TFAP2B: variants seen among roughly 807,000 people sequenced by gnomAD.
TFAP2B encodes the protein transcription factor AP-2 beta.
A neutral mutation model predicts 44.3 loss-of-function variants in TFAP2B; 9 were observed. The observed-to-expected ratio is 0.20, with a 90% confidence interval of 0.12 to 0.35. TFAP2B has a LOEUF of 0.35. Among genes scored for constraint, TFAP2B ranks in the 10% least tolerant of loss-of-function variants. The probability of loss-of-function intolerance (pLI) is 1.00; values close to 1 mark genes in which losing one functional copy is unlikely to be tolerated. For synonymous variants in TFAP2B, 270 were observed against 263.8 expected (o/e 1.02, Z -0.23); for missense variants, 509 against 600.0 (o/e 0.85, Z 1.59).
At chr6:50,828,792 C>A in intron 3 of TFAP2B, 113 bp downstream of exon 3, 1 of 1,271,840 alleles carries the variant, frequency 7.9e-7, no homozygotes. Context: ...AATGTTTGTT[C>A]ACAATTATAG....
At chr6:50,830,953 C>A (rs1359126619) in intron 3 of TFAP2B, among the ~76,000 whole-genome samples, 1 of 151,956 alleles carries the variant, frequency 6.6e-6, no homozygotes, top group Non-Finnish European at 1.5e-5. Context: ...GGCTTTTAGG[C>A]AGATAAAAAA....
intron 2 of TFAP2B, among the ~76,000 whole-genome samples, chr6:50,826,576 C>CGG (rs1207367290): frequency 1.4e-5 from 2 of 143,760 alleles, no homozygotes; most frequent in African/African-American, 5.3e-5. Flanking sequence ...AGCGCGCGCG[C>CGG]GCGCGCGCGC....
In TFAP2B at chr6:50,843,561, T is replaced by G. The variant is rs932862992; in HGVS notation, c.*169T>G. Reference sequence around the variant, plus strand: ...AAAGCTAAATAACTTAAAAAAAAACTGAGGCGTACAACGGAGCAACAATAT... The same window carrying G: ...AAAGCTAAATAACTTAAAAAAAAACGGAGGCGTACAACGGAGCAACAATAT... On this transcript the variant is annotated 3_prime_UTR_variant, in exon 7 of 7. Coordinates refer to ENST00000393655, the MANE Select transcript of TFAP2B (RefSeq NM_003221.4). 4.1e-6 allele frequency: 3 copies of G among 740,730 alleles called. No individual in the cohort carries two copies. In the African/African-American group the frequency reaches 5.4e-5, roughly 13 times the overall value. 45.9% of individuals were successfully genotyped at this position (740,730 alleles called of 1,614,324 possible). A position where few individuals can be genotyped will look rare whatever the true frequency, so the allele number is the denominator to read the frequency against.
At chr6:50,839,963 G>A (rs775255756) in intron 5 of TFAP2B, among the ~76,000 whole-genome samples, 193 bp from the exon 6 acceptor site, 8 of 152,102 alleles carry the variant, frequency 5.3e-5, no homozygotes, top group Non-Finnish European at 1.2e-4. Flanking sequence ...AAAGAGACAG[G>A]AGCAAAGTTG....
intron 1 of TFAP2B, among the ~76,000 whole-genome samples, chr6:50,819,991 G>A (rs949204528): frequency 6.6e-6 from 1 of 152,198 alleles, no homozygotes; most frequent in Non-Finnish European, 1.5e-5. Context: ...GGTTGCCAGG[G>A]GAAGGGAGGA....
At position 50,837,966 on chromosome 6, in the gene TFAP2B, C is replaced by T; in HGVS notation, c.822-9C>T. ...AGGTTAATCAGAATGTTAATTCTTGCAATTTCAGAGCCAAATCGAAAAATG... is the reference window on the plus strand; with the variant it reads ...AGGTTAATCAGAATGTTAATTCTTGTAATTTCAGAGCCAAATCGAAAAATG... On this transcript the variant is annotated splice_polypyrimidine_tract_variant and intron_variant, in intron 4 of 6. Coordinates refer to ENST00000393655, the MANE Select transcript of TFAP2B (RefSeq NM_003221.4). 1 of 1,606,614 alleles carries T rather than the reference C, an allele frequency of 6.2e-7. No homozygotes were observed. Among genetic ancestry groups the T allele is most frequent in the Non-Finnish European group, 8.5e-7 (1 of 1,173,174 alleles).
Position 50,823,952 on chromosome 6 carries a change from C to A in TFAP2B, c.540+87C>A, listed in dbSNP as rs1243947913. 2.8e-6 allele frequency: 4 copies of A among 1,405,844 alleles called. No individual in the cohort carries two copies. The East Asian group carries it at 7.4e-5, about 26-fold the overall frequency. The allele number at this position is 1,405,844 out of a possible 1,614,324, so 87.1% of individuals were successfully genotyped here. A position where few individuals can be genotyped will look rare whatever the true frequency, so the allele number is the denominator to read the frequency against. On this transcript the variant is annotated intron_variant, in intron 2 of 6. Transcript: ENST00000393655. ...GGGGGGAGGTCAGGAGAGGGCAGCTCTGTCTCTTTTTGGGGAGTTTGTTCC... is the reference window on the plus strand; with the variant it reads ...GGGGGGAGGTCAGGAGAGGGCAGCTATGTCTCTTTTTGGGGAGTTTGTTCC...
intron 2 of TFAP2B, among the ~76,000 whole-genome samples, chr6:50,825,045 A>G (rs533543641): frequency 6.6e-6 from 1 of 152,338 alleles, no homozygotes; most frequent in South Asian, 2.1e-4. Context: ...CTGAAAAAAA[A>G]TAGTTTTAAA....
chr6:50,844,410 T>C lies in TFAP2B; in HGVS notation c.*1018T>C, dbSNP rs1762800178. On this transcript the variant is annotated 3_prime_UTR_variant, in exon 7 of 7. Transcript: ENST00000393655. ...TCCAAAGCTTTGCCCGCATGGTTTA[T>C]GAGCTTCTTCAAAGAGGACTTGGGC... 1 of 152,682 alleles carries C rather than the reference T, an allele frequency of 6.5e-6. No homozygotes were observed. Among genetic ancestry groups the C allele is most frequent in the Non-Finnish European group, 1.5e-5 (1 of 68,056 alleles). The allele number at this position is 152,682 out of a possible 1,614,324, so 9.5% of individuals were successfully genotyped here.
At chr6:50,828,755 G>A in intron 3 of TFAP2B, 76 bp downstream of exon 3, 1 of 1,498,920 alleles carries the variant, frequency 6.7e-7, no homozygotes, top group Non-Finnish European at 9.3e-7. Context: ...TTTCACTTTG[G>A]GGGAATTCAT....
chr6:50,823,291 C>CATT, intron 1 of TFAP2B, 116 bp from the exon 2 acceptor site: 4 of 929,328 alleles, frequency 4.3e-6, no homozygotes, highest in Non-Finnish European at 6.9e-6. Context: ...CGGGCTTCTC[C>CATT]ATTTGTCACT....
Position 50,820,391 on chromosome 6 carries a change from G to GCC in TFAP2B, c.81+1427_81+1428dup, listed in dbSNP as rs3839386. 6.9e-4 allele frequency among the ~76,000 whole-genome samples: 105 copies of GCC among 151,390 alleles called. 1 individual carries two copies. Among genetic ancestry groups the GCC allele is most frequent in the African/African-American group, 2.2e-3 (91 of 41,310 alleles). Reference sequence around the variant, plus strand: ...GCAGCGCCTGGCGCCCACACCTCCTGCCCCCCCCCGAATCCTAATGTTGGG... The same window carrying GCC: ...GCAGCGCCTGGCGCCCACACCTCCTGCCCCCCCCCCCGAATCCTAATGTTGGG... On this transcript the variant is annotated intron_variant, in intron 1 of 6. Transcript: ENST00000393655.
At chr6:50,818,546 A>AT (rs1191533775), upstream of TFAP2B, among the ~76,000 whole-genome samples, 1 of 152,220 alleles carries the variant, frequency 6.6e-6, no homozygotes, top group Non-Finnish European at 1.5e-5. Context: ...AAATGTATAT[A>AT]TTATATTAAT....
rs140210899 is a variant in TFAP2B, at chr6:50,840,212, G to A, written c.997G>A (p.Ala333Thr). ...FGYICETEFP[A>T]KAVSEYLNRQ... ...GTACATTTGCGAAACGGAGTTTCCC[G>A]CCAAAGCCGTCTCTGAGTATTTGAA... The change falls in exon 6 of 7, where the codon GCC becomes ACC. Residue 333 changes from alanine to threonine, a missense_variant. Coordinates refer to ENST00000393655, the MANE Select transcript of TFAP2B (RefSeq NM_003221.4). 2.4e-5 allele frequency: 38 copies of A among 1,613,914 alleles called. No homozygotes were observed. The highest frequency in any genetic ancestry group is 2.9e-5 in the Non-Finnish European group (34 of 1,180,028).
chr6:50,831,350 C>T (rs935760396), intron 3 of TFAP2B, among the ~76,000 whole-genome samples: 3 of 152,160 alleles, frequency 2.0e-5, no homozygotes, highest in African/African-American at 7.2e-5. Flanking sequence ...TCTGTATTGG[C>T]CCCCTTTGAG....
intron 3 of TFAP2B, among the ~76,000 whole-genome samples, chr6:50,835,717 G>T (rs1762606042): frequency 6.6e-6 from 1 of 152,216 alleles, no homozygotes. Flanking sequence ...TCAGTCAGGT[G>T]TCTAAGGTCA....
At chr6:50,839,548 G>A (rs947075575) in intron 5 of TFAP2B, among the ~76,000 whole-genome samples, 1 of 152,190 alleles carries the variant, frequency 6.6e-6, no homozygotes, top group Non-Finnish European at 1.5e-5. Flanking sequence ...GCAGTGAAAA[G>A]TCCTGAAGTA....
intron 1 of TFAP2B, among the ~76,000 whole-genome samples, chr6:50,822,990 A>C (rs927108821): frequency 6.6e-6 from 1 of 152,230 alleles, no homozygotes; most frequent in African/African-American, 2.4e-5. Context: ...GTTAGAAAAA[A>C]GTAGTTAAAA....
In TFAP2B at chr6:50,843,726, A is replaced by G. The variant is rs78688767; in HGVS notation, c.*334A>G. ...CCTTTGGAAAATAAACATAAGACTA[A>G]ACATGAGAAAAACGCTAACTTATTG... is the stretch of plus-strand genomic sequence containing the variant. On this transcript the variant is annotated 3_prime_UTR_variant, in exon 7 of 7. Coordinates refer to ENST00000393655, the MANE Select transcript of TFAP2B (RefSeq NM_003221.4). 4,078 of 220,208 alleles carry G rather than the reference A, an allele frequency of 0.019. 172 individuals are homozygous for G. Among genetic ancestry groups the G allele is most frequent in the African/African-American group, 0.088 (3,795 of 43,104 alleles). The allele number at this position is 220,208 out of a possible 1,614,324, so 13.6% of individuals were successfully genotyped here. A position where few individuals can be genotyped will look rare whatever the true frequency, so the allele number is the denominator to read the frequency against.
Sources: allele counts gnomAD v4.1 joint callset (sites outside exome capture counted in the v4.1 genomes callset), GRCh38; gene constraint gnomAD v4.1.1; transcripts MANE v1.5; gene names NCBI Gene and HGNC (gene_info 2026-07-23, HGNC 2026-07-21).